Variants in CAPRIN1 observed in about 807,000 individuals in gnomAD.
CAPRIN1 encodes caprin-1.
In CAPRIN1, 29 loss-of-function variants were observed where a neutral mutation model predicts 100.9. That is an observed-to-expected ratio of 0.29 (90% CI 0.21 to 0.39). CAPRIN1 has a LOEUF of 0.39. Among genes scored for constraint, CAPRIN1 ranks in the 10% least tolerant of loss-of-function variants. The probability of loss-of-function intolerance (pLI) is 1.00; values close to 1 mark genes in which losing one functional copy is unlikely to be tolerated. For missense variants in CAPRIN1, 795 were observed against 876.7 expected (o/e 0.91, Z 1.18); for synonymous variants, 338 against 307.5 (o/e 1.10, Z -1.04).
intron 2 of CAPRIN1, chr11:34,055,817 A>C (rs1850438171): frequency 6.6e-6 from 1 of 152,196 alleles, no homozygotes; most frequent in Non-Finnish European, 1.5e-5. Context: ...TTAAGTCTTG[A>C]GACTTTGATA....
chr11:34,053,153 TC>T, intron 2 of CAPRIN1: 2 of 988,122 alleles, frequency 2.0e-6, no homozygotes, highest in Non-Finnish European at 2.4e-6. Context: ...CCCCTCTTCT[TC>T]CGTAGGAGAG....
intron 4 of CAPRIN1, among the ~76,000 whole-genome samples, chr11:34,075,654 G>A (rs1850890808): frequency 6.6e-6 from 1 of 152,188 alleles, no homozygotes; most frequent in African/African-American, 2.4e-5. Context: ...GTCATTAGTA[G>A]ATACTCAAAG....
At chr11:34,055,773 A>G (rs1850436822) in intron 2 of CAPRIN1, 2 of 152,222 alleles carry the variant, frequency 1.3e-5, no homozygotes, top group Admixed American at 1.3e-4. Flanking sequence ...CAGTGTTTTA[A>G]GTGGTAGATA....
intron 2 of CAPRIN1, chr11:34,056,339 AAAAC>A (rs1850450704): frequency 6.6e-6 from 1 of 152,204 alleles, no homozygotes; most frequent in Non-Finnish European, 1.5e-5. Flanking sequence ...TGTACTTTAA[AAAAC>A]AAAGTTGTTT....
chr11:34,099,158 A>G (rs17700132), intron 18 of CAPRIN1, 145 bp from the exon 19 acceptor site: 123,722 of 1,464,238 alleles, frequency 0.084, 5,701 homozygotes, highest in Middle Eastern at 0.11. Context: ...GACAGGGGAA[A>G]CTTGAACACT....
intron 4 of CAPRIN1, among the ~76,000 whole-genome samples, chr11:34,075,399 C>T (rs1478592627): frequency 1.3e-5 from 2 of 152,054 alleles, no homozygotes; most frequent in Non-Finnish European, 2.9e-5. Context: ...GTTAGATACA[C>T]GGGAGAGGGA....
At chr11:34,071,680 T>C in intron 2 of CAPRIN1, 46 bp from the exon 3 acceptor site, 1 of 1,380,040 alleles carries the variant, frequency 7.2e-7, no homozygotes, top group Non-Finnish European at 1.0e-6. Flanking sequence ...TAAGCTGGTA[T>C]ATACCTTCAA....
At chr11:34,069,028 T>C (rs1850756750) in intron 2 of CAPRIN1, among the ~76,000 whole-genome samples, 1 of 152,182 alleles carries the variant, frequency 6.6e-6, no homozygotes, top group Admixed American at 6.5e-5. Context: ...AACTGTGTAC[T>C]AGCACTGAAC....
In CAPRIN1 at chr11:34,071,894, A is replaced by AT; in HGVS notation, c.280-3dup. On this transcript the variant is annotated splice_polypyrimidine_tract_variant and splice_region_variant and intron_variant, in intron 3 of 18. Transcript: ENST00000341394. ...TCCAGTAAAGTTTGGGTTCTTTGTCATTTTAGGATGCCGTTTCTAAGTACC... is the reference window on the plus strand; with the variant it reads ...TCCAGTAAAGTTTGGGTTCTTTGTCATTTTTAGGATGCCGTTTCTAAGTACC... 6.2e-7 allele frequency: 1 copy of AT among 1,611,122 alleles called. No homozygotes were observed. Among genetic ancestry groups the AT allele is most frequent in the Non-Finnish European group, 8.5e-7 (1 of 1,178,232 alleles).
intron 2 of CAPRIN1, among the ~76,000 whole-genome samples, chr11:34,069,395 A>C (rs1340849510): frequency 3.9e-5 from 6 of 151,986 alleles, no homozygotes; most frequent in African/African-American, 1.4e-4. Context: ...TTATCTGCCG[A>C]CGTTGGCCTC....
At chr11:34,069,890 A>T (rs1318249281) in intron 2 of CAPRIN1, among the ~76,000 whole-genome samples, 1 of 144,198 alleles carries the variant, frequency 6.9e-6, no homozygotes, top group Non-Finnish European at 1.5e-5. Flanking sequence ...GGTACAAAGA[A>T]AATAGATCAT....
chr11:34,079,841 A>C (rs1257356773), intron 7 of CAPRIN1, 76 bp downstream of exon 7: 13 of 1,397,426 alleles, frequency 9.3e-6, no homozygotes, highest in African/African-American at 1.5e-5. Flanking sequence ...TAAACTATAC[A>C]CTTACTTAGT....
chr11:34,069,530 T>C (rs1373651956), intron 2 of CAPRIN1, among the ~76,000 whole-genome samples: 1 of 152,190 alleles, frequency 6.6e-6, no homozygotes, highest in Admixed American at 6.5e-5. Context: ...CCCAAGCTTA[T>C]GAGTCTTCCC....
At chr11:34,073,964 C>T (rs1590731573) in intron 4 of CAPRIN1, among the ~76,000 whole-genome samples, 1 of 152,072 alleles carries the variant, frequency 6.6e-6, no homozygotes, top group Non-Finnish European at 1.5e-5. Context: ...GTGTCCTCAC[C>T]TGGTGGTAGA....
At chr11:34,096,754 T>G in intron 16 of CAPRIN1, 81 bp downstream of exon 16, 1 of 1,102,924 alleles carries the variant, frequency 9.1e-7, no homozygotes, top group Admixed American at 2.6e-5. Context: ...ATCACACAGT[T>G]TTTGGGAAGG....
intron 18 of CAPRIN1, 60 bp from the exon 19 acceptor site, chr11:34,099,243 G>A (rs1188367944): frequency 2.8e-5 from 44 of 1,594,010 alleles, no homozygotes; most frequent in Non-Finnish European, 3.5e-5. Context: ...ATGAAAATCT[G>A]CTTGAAGGCA....
intron 2 of CAPRIN1, among the ~76,000 whole-genome samples, chr11:34,065,052 C>T (rs1001197225): frequency 6.7e-6 from 1 of 150,312 alleles, no homozygotes; most frequent in Non-Finnish European, 1.5e-5. Context: ...CTCCACCTCC[C>T]GGGTTCTCAC....
chr11:34,080,928 T>G (rs1480846702), intron 7 of CAPRIN1, among the ~76,000 whole-genome samples: 1 of 152,202 alleles, frequency 6.6e-6, no homozygotes, highest in Admixed American at 6.5e-5. Flanking sequence ...TTTTTCCCCC[T>G]CTTACCACTT....
At chr11:34,093,037 T>G (rs1433480487) in intron 15 of CAPRIN1, among the ~76,000 whole-genome samples, 1 of 151,616 alleles carries the variant, frequency 6.6e-6, no homozygotes, top group Non-Finnish European at 1.5e-5. Flanking sequence ...TTTTTTTTTT[T>G]TTTTGTAGAG....
Sources: gnomAD v4.1 joint callset for allele counts (sites outside exome capture counted in the v4.1 genomes callset) on GRCh38, gnomAD v4.1.1 for gene constraint, MANE v1.5 for transcripts, NCBI Gene and HGNC (gene_info 2026-07-23, HGNC 2026-07-21) for gene names.